The following SLC35F4 variants were observed in gnomAD, a reference collection of about 807,000 sequenced individuals.
SLC35F4 encodes the protein solute carrier family 35 member F4.
In SLC35F4, 24 loss-of-function variants were observed where a neutral mutation model predicts 44.2. The ratio of observed to expected loss-of-function variants is 0.54; its 90% CI spans 0.39 to 0.76. SLC35F4 has a LOEUF of 0.76. SLC35F4 is among the 30% of genes least tolerant of loss of function. The probability of loss-of-function intolerance (pLI) is 0.00; values close to 1 mark genes in which losing one functional copy is unlikely to be tolerated. For synonymous variants in SLC35F4, 238 were observed against 223.6 expected, an observed-to-expected ratio of 1.06 and a Z score of -0.57; for missense variants, 562 against 586.1, an observed-to-expected ratio of 0.96 and a Z score of 0.42.
chr14:57,712,480 G>A (rs1344021614), intron 1 of SLC35F4, among the ~76,000 whole-genome samples: 1 of 152,150 alleles, frequency 6.6e-6, no homozygotes, highest in African/African-American at 2.4e-5. Context: ...ACTAGCTCAA[G>A]TTATTAGCCT....
At chr14:57,877,539 T>C (rs2141030501) in intron 1 of SLC35F4, among the ~76,000 whole-genome samples, 1 of 152,302 alleles carries the variant, frequency 6.6e-6, no homozygotes, top group Non-Finnish European at 1.5e-5. Flanking sequence ...CTCAATCAAA[T>C]GGTAGTTCTA....
intron 1 of SLC35F4, among the ~76,000 whole-genome samples, chr14:57,795,900 G>A (rs1381440466): frequency 1.3e-5 from 2 of 152,030 alleles, no homozygotes; most frequent in South Asian, 2.1e-4. Context: ...TCAGCACTCA[G>A]GTAGTAAGCA....
intron 1 of SLC35F4, among the ~76,000 whole-genome samples, chr14:57,789,517 CA>C (rs1313281409): frequency 6.6e-6 from 1 of 151,886 alleles, no homozygotes; most frequent in Non-Finnish European, 1.5e-5. Flanking sequence ...GCCTACCAAC[CA>C]AAAAAAGCCC....
Position 57,927,485 on chromosome 14 carries a change from C to T in SLC35F4, n.282+54428G>A, listed in dbSNP as rs567367173. On this transcript the variant is annotated intron_variant and non_coding_transcript_variant, in intron 1 of 1. Transcript: ENST00000556568. The stretch of plus-strand genomic sequence containing the variant: ...GGTTTGAGTTTTTTTTTTTTAATTA[C>T]TTTTCTTCTTCTTTTTTTTTTTTGA... Among the ~76,000 whole-genome samples, 201 of 149,316 alleles carry T rather than the reference C, an allele frequency of 1.3e-3. 4 individuals are homozygous for T. The East Asian group carries it at 0.034, about 26-fold the overall frequency.
intron 1 of SLC35F4, among the ~76,000 whole-genome samples, chr14:57,645,271 T>C (rs1318355902): frequency 6.6e-6 from 1 of 152,210 alleles, no homozygotes; most frequent in Admixed American, 6.5e-5. Flanking sequence ...TGTTCTTCCT[T>C]TTGTTTGTAT....
At chr14:57,674,073 T>C (rs1024699726) in intron 1 of SLC35F4, among the ~76,000 whole-genome samples, 1 of 152,080 alleles carries the variant, frequency 6.6e-6, no homozygotes, top group Non-Finnish European at 1.5e-5. Context: ...AGTTCAGGGG[T>C]ACATGTGCAG....
intron 6 of SLC35F4, among the ~76,000 whole-genome samples, 174 bp downstream of exon 6, chr14:57,569,614 C>G (rs2068383684): frequency 6.6e-6 from 1 of 152,196 alleles, no homozygotes; most frequent in Non-Finnish European, 1.5e-5. Flanking sequence ...TAGCTTGAAC[C>G]TAATCAACCA....
chr14:57,571,725 A>G (rs2068515264), intron 5 of SLC35F4, among the ~76,000 whole-genome samples, 169 bp downstream of exon 5: 1 of 152,242 alleles, frequency 6.6e-6, no homozygotes, highest in Non-Finnish European at 1.5e-5. Context: ...TAACACAGGC[A>G]AAAATTTTCA....
At chr14:57,585,263 A>C (rs1324872147) in intron 3 of SLC35F4, among the ~76,000 whole-genome samples, 1 of 152,178 alleles carries the variant, frequency 6.6e-6, no homozygotes, top group Non-Finnish European at 1.5e-5. Flanking sequence ...CAATAGATGC[A>C]GAAAAGGCCT....
At chr14:57,755,105 C>T (rs1594969294) in intron 1 of SLC35F4, among the ~76,000 whole-genome samples, 2 of 152,320 alleles carry the variant, frequency 1.3e-5, no homozygotes, top group African/African-American at 4.8e-5. Flanking sequence ...GGATTGGAGT[C>T]AGTTGTTCCC....
intron 1 of SLC35F4, among the ~76,000 whole-genome samples, chr14:57,666,256 T>A (rs2074304722): frequency 2.0e-5 from 3 of 152,206 alleles, no homozygotes; most frequent in Non-Finnish European, 4.4e-5. Flanking sequence ...ACCCAGAACT[T>A]GAATTTAGGT....
chr14:57,726,891 C>G (rs2076217266), intron 1 of SLC35F4, among the ~76,000 whole-genome samples: 1 of 152,214 alleles, frequency 6.6e-6, no homozygotes, highest in South Asian at 2.1e-4. Context: ...ATCTAATCAG[C>G]TGCCAGCACA....
chr14:57,818,089 A>C (rs1458806203), intron 1 of SLC35F4, among the ~76,000 whole-genome samples: 3 of 152,132 alleles, frequency 2.0e-5, no homozygotes, highest in Non-Finnish European at 2.9e-5. Flanking sequence ...TATATATATT[A>C]GGTTGTGGAA....
intron 1 of SLC35F4, among the ~76,000 whole-genome samples, chr14:57,597,757 TA>T (rs1391964861): frequency 6.6e-6 from 1 of 152,148 alleles, no homozygotes; most frequent in African/African-American, 2.4e-5. Flanking sequence ...GTCAGAGGCA[TA>T]AGGTGCATGC....
intron 1 of SLC35F4, among the ~76,000 whole-genome samples, chr14:57,741,465 C>T (rs184466116): frequency 2.1e-4 from 32 of 152,020 alleles, no homozygotes; most frequent in Admixed American, 9.2e-4. Flanking sequence ...ATAGCCAATT[C>T]GATCAAGTGG....
At chr14:57,583,812 A>C (rs1317357742) in intron 3 of SLC35F4, among the ~76,000 whole-genome samples, 1 of 152,106 alleles carries the variant, frequency 6.6e-6, no homozygotes, top group East Asian at 1.9e-4. Flanking sequence ...ATTAAACTCT[A>C]AGAAACATGA....
At chr14:57,949,450 G>C (rs1890095470) in intron 1 of SLC35F4, among the ~76,000 whole-genome samples, 1 of 152,120 alleles carries the variant, frequency 6.6e-6, no homozygotes, top group Non-Finnish European at 1.5e-5. Flanking sequence ...GTTGAAGACA[G>C]CAGATACTTG....
intron 2 of SLC35F4, among the ~76,000 whole-genome samples, chr14:57,590,892 A>C (rs2070133665): frequency 6.6e-6 from 1 of 152,228 alleles, no homozygotes; most frequent in Non-Finnish European, 1.5e-5. Flanking sequence ...TTAATGAGCC[A>C]GGTGTGGCTG....
At chr14:57,707,690 C>T (rs2075712695) in intron 1 of SLC35F4, among the ~76,000 whole-genome samples, 1 of 152,136 alleles carries the variant, frequency 6.6e-6, no homozygotes, top group African/African-American at 2.4e-5. Flanking sequence ...GACTTTGGAA[C>T]TGGGTAATGG....
Sources: gnomAD v4.1 joint callset for allele counts (sites outside exome capture counted in the v4.1 genomes callset) on GRCh38, gnomAD v4.1.1 for gene constraint, MANE v1.5 for transcripts, NCBI Gene and HGNC (gene_info 2026-07-23, HGNC 2026-07-21) for gene names.